Variants in COG6 observed in about 807,000 individuals in gnomAD.
COG6 encodes component of oligomeric golgi complex 6.
Under a neutral mutation model 88.8 loss-of-function variants are expected in COG6, and 74 were observed. The ratio of observed to expected loss-of-function variants is 0.83; its 90% CI spans 0.69 to 1.01. The LOEUF (loss-of-function observed/expected upper bound fraction) is 1.01, where lower values mean the gene tolerates loss of function less well. Among genes scored for constraint, COG6 ranks in the 50% least tolerant of loss-of-function variants. The pLI is 0.00. For synonymous variants in COG6, 286 were observed against 278.7 expected (o/e 1.03, Z -0.26); for missense variants, 800 against 797.9 (o/e 1.00, Z -0.03).
At chr13:39,694,998 A>G (rs1877195587) in intron 12 of COG6, among the ~76,000 whole-genome samples, 1 of 149,716 alleles carries the variant, frequency 6.7e-6, no homozygotes, top group African/African-American at 2.5e-5. Context: ...CACCCCTTAT[A>G]TAGCAATATA....
chr13:39,667,353 G>A (rs1027222849), intron 4 of COG6, among the ~76,000 whole-genome samples: 7 of 151,988 alleles, frequency 4.6e-5, no homozygotes, highest in East Asian at 1.9e-4. Flanking sequence ...ACTTTTACCC[G>A]TTGTGTGTTT....
chr13:39,761,089 A>G (rs1880995679), intron 18 of COG6, among the ~76,000 whole-genome samples: 1 of 152,004 alleles, frequency 6.6e-6, no homozygotes, highest in African/African-American at 2.4e-5. Context: ...CTTCAACTCT[A>G]TGTATCAATT....
In COG6 at chr13:39,770,585, C is replaced by T. The variant is rs757366753; in HGVS notation, c.1827-17750C>T. ...GCCCCCTGTATTATGCTCCATAGTA[C>T]GTGTTTATCGTGTTTATTCATTTTT... On this transcript the variant is annotated intron_variant, in intron 18 of 18. Transcript: ENST00000416691. 2.3e-4 allele frequency among the ~76,000 whole-genome samples: 35 copies of T among 152,104 alleles called. 1 individual carries two copies. The highest frequency in any genetic ancestry group is 4.1e-4 in the African/African-American group (17 of 41,412).
chr13:39,680,024 A>G lies in COG6; in HGVS notation c.673A>G (p.Arg225Gly), dbSNP rs776235014. 1 of 1,588,118 alleles carries G rather than the reference A, an allele frequency of 6.3e-7. No homozygotes were observed. The highest frequency in any genetic ancestry group is 8.6e-7 in the Non-Finnish European group (1 of 1,157,832). Residue 225 changes from arginine to glycine, a missense_variant, in exon 7 of 19, where the codon AGA becomes GGA. Physicochemically the swap from Arg to Gly is moderately radical, Grantham distance 125. Transcript: ENST00000455146. ...CTTACTTCAAGAAACGGCTTATGAA[A>G]GACTTTACCGATGGGCTCAAAGTAA... is the stretch of plus-strand genomic sequence containing the variant. ...MALLQETAYE[R>G]LYRWAQSECR...
chr13:39,688,479 G>C (rs1453907555), intron 10 of COG6, among the ~76,000 whole-genome samples: 2 of 152,124 alleles, frequency 1.3e-5, no homozygotes, highest in Non-Finnish European at 2.9e-5. Context: ...TGGTGATTGA[G>C]GGAGCAAGAC....
At chr13:39,752,877 A>G (rs150095847), downstream of COG6, among the ~76,000 whole-genome samples, 41 of 152,302 alleles carry the variant, frequency 2.7e-4, no homozygotes, top group African/African-American at 9.9e-4. Flanking sequence ...AACTATTTTC[A>G]TTTGGCATAA....
At chr13:39,715,787 G>C (rs757052458) in intron 13 of COG6, among the ~76,000 whole-genome samples, 2 of 151,960 alleles carry the variant, frequency 1.3e-5, no homozygotes, top group Non-Finnish European at 2.9e-5. Flanking sequence ...GTAGTTGGTT[G>C]TTTCTTTTAG....
intron 3 of COG6, among the ~76,000 whole-genome samples, chr13:39,662,142 A>AT (rs10629485): frequency 0.014 from 1,845 of 130,626 alleles, 53 homozygotes; most frequent in Middle Eastern, 0.022. Flanking sequence ...TGTCCTTTGT[A>AT]TTTTTTTTTT....
intron 18 of COG6, among the ~76,000 whole-genome samples, chr13:39,743,076 A>T (rs1880137278): frequency 6.6e-6 from 1 of 152,216 alleles, no homozygotes. Flanking sequence ...GACACAACAT[A>T]CCAGAATCTC....
chr13:39,693,561 T>C (rs945862599), intron 11 of COG6, among the ~76,000 whole-genome samples: 22 of 151,976 alleles, frequency 1.4e-4, no homozygotes, highest in African/African-American at 5.3e-4. Flanking sequence ...GATTTAAAAA[T>C]AAATCATGGA....
intron 18 of COG6, among the ~76,000 whole-genome samples, chr13:39,731,151 A>C (rs1028269234): frequency 6.6e-6 from 1 of 151,904 alleles, no homozygotes; most frequent in Non-Finnish European, 1.5e-5. Context: ...CGCTCCTACT[A>C]TCTGTTTTTG....
chr13:39,753,514 A>G (rs1378906429), downstream of COG6, among the ~76,000 whole-genome samples: 1 of 152,196 alleles, frequency 6.6e-6, no homozygotes, highest in Non-Finnish European at 1.5e-5. Context: ...TTACACCCAC[A>G]TTCTCAGTTA....
chr13:39,663,765 A>G (rs912397146), intron 3 of COG6, among the ~76,000 whole-genome samples: 3 of 152,008 alleles, frequency 2.0e-5, no homozygotes, highest in South Asian at 2.1e-4. Flanking sequence ...GCACATGCCT[A>G]TAGTCCCAGC....
At chr13:39,787,221 C>A (rs985940685) in intron 18 of COG6, among the ~76,000 whole-genome samples, 1 of 152,102 alleles carries the variant, frequency 6.6e-6, no homozygotes, top group African/African-American at 2.4e-5. Flanking sequence ...CAGTTCCAGG[C>A]AAGATGGTCA....
chr13:39,734,509 G>A (rs913933012), intron 18 of COG6, among the ~76,000 whole-genome samples: 8 of 152,002 alleles, frequency 5.3e-5, no homozygotes, highest in African/African-American at 1.9e-4. Context: ...GACTTTTATT[G>A]TGTCCTAACA....
At chr13:39,742,509 G>T (rs1415529650) in intron 18 of COG6, among the ~76,000 whole-genome samples, 1 of 151,930 alleles carries the variant, frequency 6.6e-6, no homozygotes, top group Non-Finnish European at 1.5e-5. Context: ...GACAAAGAAG[G>T]CCATTACATA....
downstream of COG6, among the ~76,000 whole-genome samples, chr13:39,753,654 C>G (rs947817945): frequency 6.6e-6 from 1 of 152,094 alleles, no homozygotes; most frequent in African/African-American, 2.4e-5. Context: ...CTTTCTATGA[C>G]AGGATATTCC....
chr13:39,712,512 A>G (rs1178359812), intron 13 of COG6, among the ~76,000 whole-genome samples: 1 of 152,222 alleles, frequency 6.6e-6, no homozygotes, highest in Non-Finnish European at 1.5e-5. Flanking sequence ...AAGTGACCAT[A>G]GTCAACAGTT....
chr13:39,679,754 G>T, intron 6 of COG6, 134 bp downstream of exon 6: 1 of 741,606 alleles, frequency 1.3e-6, no homozygotes. Context: ...TTAGAGAATG[G>T]TGAAGTTATA....
Sources: gnomAD v4.1 joint callset for allele counts (sites outside exome capture counted in the v4.1 genomes callset) on GRCh38, gnomAD v4.1.1 for gene constraint, MANE v1.5 for transcripts, NCBI Gene and HGNC (gene_info 2026-07-23, HGNC 2026-07-21) for gene names.